LMAN1: variants seen among roughly 807,000 people sequenced by gnomAD.
LMAN1 encodes the protein protein ERGIC-53.
Under a neutral mutation model 67.8 loss-of-function variants are expected in LMAN1, and 32 were observed. The observed-to-expected ratio is 0.47, with a 90% confidence interval of 0.36 to 0.63. The LOEUF is 0.63. LMAN1 is among the 30% of genes least tolerant of loss of function. The pLI is 0.00. For synonymous variants in LMAN1, 235 were observed against 219.3 expected (o/e 1.07, Z -0.63); for missense variants, 632 against 628.2 (o/e 1.01, Z -0.06).
intron 8 of LMAN1, among the ~76,000 whole-genome samples, chr18:59,344,131 T>A (rs992977847): frequency 1.3e-5 from 2 of 152,136 alleles, no homozygotes; most frequent in African/African-American, 2.4e-5. Flanking sequence ...TATTAAAAAG[T>A]CAAAAGACAA....
At chr18:59,335,621 C>G (rs1020759864) in intron 10 of LMAN1, among the ~76,000 whole-genome samples, 7 of 152,090 alleles carry the variant, frequency 4.6e-5, no homozygotes, top group Non-Finnish European at 7.4e-5. Flanking sequence ...TGCTCTGCCC[C>G]TTAGAACCAT....
At position 59,346,041 on chromosome 18, in the gene LMAN1, T is replaced by C; in HGVS notation, c.833A>G (p.Asp278Gly). Residue 278 changes from aspartate to glycine, a missense_variant, in exon 8 of 13, where the codon GAT (aspartate) becomes GGT (glycine). Coordinates refer to ENST00000251047, the MANE Select transcript of LMAN1 (RefSeq NM_005570.4). The part of the protein sequence containing the change: ...TEPGKEPPTP[D>G]KEISEKEKEK... ...TTTTTCCTTTTCCGAAATTTCTTTA[T>C]CTGGTGTGGGCTTTTTTTTGGAGTT... The C allele has an allele frequency of 1.2e-6, 2 of 1,611,766 alleles. No homozygotes were observed. The highest frequency in any genetic ancestry group is 1.7e-6 in the Non-Finnish European group (2 of 1,179,056).
chr18:59,346,957 G>A (rs1452162272), intron 7 of LMAN1, among the ~76,000 whole-genome samples: 1 of 151,974 alleles, frequency 6.6e-6, no homozygotes, highest in African/African-American at 2.4e-5. Context: ...GTGGCCGAGC[G>A]TGGTGGCTCA....
In LMAN1 at chr18:59,338,868, C is replaced by A; in HGVS notation, c.1041G>T (p.Gln347His). The change falls in exon 9 of 13, where the codon CAG becomes CAT. Residue 347 changes from glutamine to histidine, a missense_variant. Coordinates refer to ENST00000251047, the MANE Select transcript of LMAN1 (RefSeq NM_005570.4). ...GAATCATATCTAACTGCCGGTTCAG[C>A]TGCTTGATTTCAAGATGAATACGAT... ...GQNRIHLEIK[Q>H]LNRQLDMILD... 6.2e-7 allele frequency: 1 copy of A among 1,613,760 alleles called. No individual in the cohort carries two copies. Among genetic ancestry groups the A allele is most frequent in the Non-Finnish European group, 8.5e-7 (1 of 1,179,920 alleles).
At chr18:59,352,927 C>G (rs1908576642) in intron 5 of LMAN1, 2 of 384,228 alleles carry the variant, frequency 5.2e-6, no homozygotes, top group South Asian at 4.4e-5. Flanking sequence ...ATCTACCTAT[C>G]TATCTATCTA....
At chr18:59,346,941 T>C (rs1333140788) in intron 7 of LMAN1, among the ~76,000 whole-genome samples, 2 of 151,924 alleles carry the variant, frequency 1.3e-5, no homozygotes, top group Admixed American at 6.5e-5. Context: ...AATTAAGAAA[T>C]GAAGCGTGGC....
rs766800673 is a variant in LMAN1 at position 59,338,933 on chromosome 18, C to T, written c.976G>A (p.Val326Ile). Residue 326 changes from valine to isoleucine, a missense_variant, in exon 9 of 13, where the codon GTA becomes ATA. Val to Ile is a conservative substitution (Grantham distance 29, BLOSUM62 3). Transcript: ENST00000251047. The part of the protein sequence containing the change: ...GQPAEEIFES[V>I]GDRELRQVFE... Reference sequence around the variant, plus strand: ...ACTTGTCTTAGCTCTCGATCTCCTACACTCTCAAATATTTCCTCCGCTGAA... The same window carrying T: ...ACTTGTCTTAGCTCTCGATCTCCTATACTCTCAAATATTTCCTCCGCTGAA... The T allele has an allele frequency of 6.2e-6, 10 of 1,612,616 alleles. No individual in the cohort carries two copies. The highest frequency in any genetic ancestry group is 1.1e-5 in the South Asian group (1 of 91,080).
chr18:59,344,884 C>T (rs569722743), intron 8 of LMAN1, among the ~76,000 whole-genome samples: 2 of 152,174 alleles, frequency 1.3e-5, no homozygotes, highest in Non-Finnish European at 2.9e-5. Flanking sequence ...AACTAATCTA[C>T]AGTGATAACA....
intron 8 of LMAN1, among the ~76,000 whole-genome samples, chr18:59,339,711 AG>A (rs952753418): frequency 6.6e-6 from 1 of 152,116 alleles, no homozygotes; most frequent in Non-Finnish European, 1.5e-5. Context: ...CAAGGAGAGA[AG>A]GGGGGACACT....
In LMAN1 at chr18:59,355,385, G is replaced by T. The variant is rs767888000; in HGVS notation, c.405C>A (p.Gly135=). ...ACAGATCAGCTGATCCAAACACAGG[G>T]CCCTCCAAGCCTTGATTTTCTGCAT... ...IWYAENQGLE[G]PVFGSADLWN... is the part of the protein sequence containing the mutation. The change falls in exon 3 of 13, where the codon GGC becomes GGA. Residue 135 remains glycine (G), a synonymous_variant. Transcript: ENST00000251047. 3 of 1,614,002 alleles carry T rather than the reference G, an allele frequency of 1.9e-6. No homozygotes were observed. Among genetic ancestry groups the T allele is most frequent in the Non-Finnish European group, 2.5e-6 (3 of 1,179,950 alleles).
At chr18:59,349,442 G>A (rs28591592) in intron 5 of LMAN1, among the ~76,000 whole-genome samples, 4 of 151,988 alleles carry the variant, frequency 2.6e-5, no homozygotes, top group Admixed American at 2.6e-4. Context: ...TTTAAAGAGA[G>A]AAAAATCTGA....
rs1006067675 is a variant in LMAN1 at position 59,328,638 on chromosome 18, T to C, written c.*2455A>G. 2.6e-5 allele frequency: 4 copies of C among 152,134 alleles called. No individual in the cohort carries two copies. Among genetic ancestry groups the C allele is most frequent in the Admixed American group, 2.6e-4 (4 of 15,262 alleles). The allele number at this position is 152,134 out of a possible 1,614,324, so 9.4% of individuals were successfully genotyped here. A position where few individuals can be genotyped will look rare whatever the true frequency, so the allele number is the denominator to read the frequency against. Reference sequence around the variant, plus strand: ...TGTGCTCAGAATCTCCTGAGGTGCCTATTGAACAATGACATCCCAAAGCCC... The same window carrying C: ...TGTGCTCAGAATCTCCTGAGGTGCCCATTGAACAATGACATCCCAAAGCCC... On this transcript the variant is annotated 3_prime_UTR_variant, in exon 13 of 13. Transcript: ENST00000251047.
intron 6 of LMAN1, among the ~76,000 whole-genome samples, chr18:59,348,873 C>CTATAAA (rs1179520974): frequency 6.6e-6 from 1 of 152,194 alleles, no homozygotes; most frequent in African/African-American, 2.4e-5. Flanking sequence ...AAATAGCACC[C>CTATAAA]AAACTGATGC....
At position 59,347,657 on chromosome 18, in the gene LMAN1, T is replaced by A. The variant is rs8095245; in HGVS notation, c.764-86A>T. ...AAATGTATTTTATCAATATTTATTG[T>A]TTTAAATAACAATAACCAGTGAGGG... On this transcript the variant is annotated intron_variant, in intron 6 of 12. Coordinates refer to ENST00000251047, the MANE Select transcript of LMAN1 (RefSeq NM_005570.4). 1.0e-5 allele frequency: 10 copies of A among 989,796 alleles called. No individual in the cohort carries two copies. In the Admixed American group the frequency reaches 2.4e-4, roughly 24 times the overall value. 61.3% of individuals were successfully genotyped at this position (989,796 alleles called of 1,614,324 possible). A position where few individuals can be genotyped will look rare whatever the true frequency, so the allele number is the denominator to read the frequency against.
At chr18:59,333,375 C>A in intron 10 of LMAN1, 131 bp from the exon 11 acceptor site, 2 of 678,236 alleles carry the variant, frequency 2.9e-6, no homozygotes, top group South Asian at 2.1e-5. Context: ...GGTAAAGTAT[C>A]TTTAAAAATC....
At position 59,331,045 on chromosome 18, in the gene LMAN1, C is replaced by T. The variant is rs148071519; in HGVS notation, c.*48G>A. ...TTTAAATACTTAAATTCCCTCAAAA[C>T]GACATCATTTTGTACACAAATAGAT... On this transcript the variant is annotated 3_prime_UTR_variant, in exon 13 of 13. Transcript: ENST00000251047. 4.6e-4 allele frequency: 610 copies of T among 1,333,232 alleles called. No homozygotes were observed. The highest frequency in any genetic ancestry group is 4.8e-4 in the Non-Finnish European group (444 of 933,092). The allele number at this position is 1,333,232 out of a possible 1,614,324, so 82.6% of individuals were successfully genotyped here.
rs866652903 is a variant in LMAN1, at chr18:59,334,328, A to G, written c.1221-1084T>C. 1.8e-3 allele frequency among the ~76,000 whole-genome samples: 269 copies of G among 152,334 alleles called. 1 individual carries two copies. Among genetic ancestry groups the G allele is most frequent in the African/African-American group, 6.3e-3 (263 of 41,586 alleles). ...TTTCATAAGTGCTGTGAGCCAGGGAATATTAGGGATATAAACTTTGCAAGA... is the reference window on the plus strand; with the variant it reads ...TTTCATAAGTGCTGTGAGCCAGGGAGTATTAGGGATATAAACTTTGCAAGA... On this transcript the variant is annotated intron_variant, in intron 10 of 12. Transcript: ENST00000251047.
At chr18:59,346,110 T>G (rs1908397641) in intron 7 of LMAN1, 59 bp from the exon 8 acceptor site, 1 of 1,377,294 alleles carries the variant, frequency 7.3e-7, no homozygotes, top group South Asian at 1.3e-5. Context: ...TTAAGATATC[T>G]CTATACATGT....
intron 10 of LMAN1, among the ~76,000 whole-genome samples, chr18:59,334,600 G>T (rs1908101388): frequency 6.6e-6 from 1 of 152,204 alleles, no homozygotes; most frequent in Non-Finnish European, 1.5e-5. Context: ...GAGAGCAAGT[G>T]AAGATAACTA....
Sources: allele counts gnomAD v4.1 joint callset (sites outside exome capture counted in the v4.1 genomes callset), GRCh38; gene constraint gnomAD v4.1.1; transcripts MANE v1.5; gene names NCBI Gene and HGNC (gene_info 2026-07-23, HGNC 2026-07-21).